Variants in LIPJ observed in about 807,000 individuals in gnomAD.
LIPJ encodes the protein lipase family member J, also known as lipase member J.
In LIPJ, 33 loss-of-function variants were observed where a neutral mutation model predicts 39.8. The ratio of observed to expected loss-of-function variants is 0.83; its 90% CI spans 0.63 to 1.11. The LOEUF is 1.11. Ranked by LOEUF, LIPJ falls within the 50% of genes least tolerant of loss-of-function variation. The pLI, the probability that LIPJ is intolerant of heterozygous loss-of-function variation, is 0.00. For synonymous variants in LIPJ, 128 were observed against 139.2 expected, an observed-to-expected ratio of 0.92 and a Z score of 0.57; for missense variants, 422 against 427.9, an observed-to-expected ratio of 0.99 and a Z score of 0.12.
chr10:88,609,110 C>T (rs979508080), downstream of LIPJ, among the ~76,000 whole-genome samples: 14 of 152,148 alleles, frequency 9.2e-5, no homozygotes, highest in African/African-American at 3.1e-4. Flanking sequence ...TCATTCTTTC[C>T]GTTCTTTGTG....
the LIPJ span, among the ~76,000 whole-genome samples, chr10:88,616,015 C>G: frequency 6.6e-6 from 1 of 152,090 alleles, no homozygotes; most frequent in Non-Finnish European, 1.5e-5. Context: ...AATCGGAGAC[C>G]AGCTTGGGCA....
the LIPJ span, among the ~76,000 whole-genome samples, chr10:88,613,798 A>ATGTG: frequency 2.7e-3 from 138 of 52,036 alleles, 3 homozygotes; most frequent in African/African-American, 6.5e-3. Context: ...ATATATATAT[A>ATGTG]TATGTGTGTG....
intron 9 of LIPJ, among the ~76,000 whole-genome samples, chr10:88,604,164 C>G (rs1488348140): frequency 6.6e-6 from 1 of 152,070 alleles, no homozygotes; most frequent in African/African-American, 2.4e-5. Flanking sequence ...ATTAGGCATG[C>G]TGGGAAGTGG....
intron 8 of LIPJ, among the ~76,000 whole-genome samples, chr10:88,599,011 A>C (rs1851369511): frequency 6.8e-6 from 1 of 146,916 alleles, no homozygotes. Flanking sequence ...ATATTATAAT[A>C]ATATATTATA....
the LIPJ span, among the ~76,000 whole-genome samples, chr10:88,617,153 G>A: frequency 2.1e-4 from 32 of 152,150 alleles, no homozygotes; most frequent in Admixed American, 1.7e-3. Flanking sequence ...ACATGCTCTC[G>A]GGACAAGACA....
downstream of LIPJ, among the ~76,000 whole-genome samples, chr10:88,611,654 A>C (rs1056194298): frequency 6.6e-6 from 1 of 152,218 alleles, no homozygotes; most frequent in African/African-American, 2.4e-5. Context: ...TCGAACAGGC[A>C]GAAGAAAGAA....
chr10:88,602,770 T>C (rs1851538698), intron 9 of LIPJ, 123 bp downstream of exon 9: 2 of 484,320 alleles, frequency 4.1e-6, no homozygotes, highest in Non-Finnish European at 6.8e-6. Context: ...ATGAAATTAT[T>C]ATATATTTCT....
Position 88,594,702 on chromosome 10 carries a change from CTA to C in LIPJ, c.367_368del (p.Ile123Ter). ...ATGGCAAAATATGACCTTCCAGCCT[CTA>C]TTGATTTCACTGTGAAGCAAACCAG... On this transcript the variant is annotated frameshift_variant, in exon 6 of 11. Transcript: ENST00000371939. LOFTEE classifies it high-confidence loss of function. 6.4e-7 allele frequency: 1 copy of C among 1,563,554 alleles called. No homozygotes were observed. The highest frequency in any genetic ancestry group is 1.2e-5 in the South Asian group (1 of 80,468).
the LIPJ span, among the ~76,000 whole-genome samples, chr10:88,616,048 C>T: frequency 6.6e-6 from 1 of 152,040 alleles, no homozygotes; most frequent in Non-Finnish European, 1.5e-5. Context: ...CCCATCTCTA[C>T]AAAAAAGAAA....
chr10:88,595,425 A>T (rs1235169744), intron 6 of LIPJ, among the ~76,000 whole-genome samples: 1 of 151,752 alleles, frequency 6.6e-6, no homozygotes, highest in Non-Finnish European at 1.5e-5. Flanking sequence ...TCTAAGCTGA[A>T]GACTATAATT....
chr10:88,583,476 C>G, upstream of LIPJ: 1 of 1,299,756 alleles, frequency 7.7e-7, no homozygotes, highest in South Asian at 1.7e-5. Context: ...CCAGAAAAGC[C>G]TGGAAATGGT....
At chr10:88,619,620 G>GT in the LIPJ span, among the ~76,000 whole-genome samples, 2,954 of 150,910 alleles carry the variant, frequency 0.02, 71 homozygotes, top group South Asian at 0.084. Context: ...TTTTTATTGG[G>GT]TTTTTTTTTC....
chr10:88,614,333 T>C, the LIPJ span, among the ~76,000 whole-genome samples: 1 of 152,108 alleles, frequency 6.6e-6, no homozygotes, highest in Non-Finnish European at 1.5e-5. Context: ...TAGCCATGAA[T>C]TGATGACTGC....
chr10:88,621,960 G>A, the LIPJ span, among the ~76,000 whole-genome samples: 3 of 152,090 alleles, frequency 2.0e-5, no homozygotes, highest in African/African-American at 4.8e-5. Flanking sequence ...AGAGAGAGTC[G>A]GGGATGCATC....
intron 8 of LIPJ, among the ~76,000 whole-genome samples, chr10:88,599,621 T>C (rs891302958): frequency 2.0e-5 from 3 of 151,764 alleles, no homozygotes; most frequent in African/African-American, 7.3e-5. Context: ...TTTCTATGGT[T>C]GATTAATATT....
In LIPJ at chr10:88,596,261, ATATCT is replaced by A. The variant is rs144785976; in HGVS notation, c.440-15_440-11del. 2.0e-3 allele frequency: 2,615 copies of A among 1,309,676 alleles called. 44 individuals are homozygous for A. In the African/African-American group the frequency reaches 0.035, roughly 18 times the overall value. The allele number at this position is 1,309,676 out of a possible 1,614,324, so 81.1% of individuals were successfully genotyped here. A position where few individuals can be genotyped will look rare whatever the true frequency, so the allele number is the denominator to read the frequency against. On this transcript the variant is annotated splice_polypyrimidine_tract_variant and intron_variant, in intron 6 of 10. Transcript: ENST00000371939. ...TTGCTTAAGAATAGCTTACTAATTTATATCTTATTTTATTTTAGGTTTCATAACAT... is the reference window on the plus strand; with the variant it reads ...TTGCTTAAGAATAGCTTACTAATTTATATTTTATTTTAGGTTTCATAACAT...
chr10:88,620,050 A>T, the LIPJ span, among the ~76,000 whole-genome samples: 1 of 152,210 alleles, frequency 6.6e-6, no homozygotes, highest in Non-Finnish European at 1.5e-5. Context: ...ACAACTAATT[A>T]AAAATGAGAC....
At chr10:88,583,031 G>C, upstream of LIPJ, 1 of 1,595,294 alleles carries the variant, frequency 6.3e-7, no homozygotes, top group Non-Finnish European at 8.6e-7. Flanking sequence ...CAGCCTGCCC[G>C]GCAGTCCTCT....
At chr10:88,589,787 A>T (rs1453625666) in intron 2 of LIPJ, among the ~76,000 whole-genome samples, 1 of 151,856 alleles carries the variant, frequency 6.6e-6, no homozygotes, top group African/African-American at 2.4e-5. Context: ...ATCATATTAC[A>T]TTGATCAGAT....
Sources: gnomAD v4.1 joint callset for allele counts (sites outside exome capture counted in the v4.1 genomes callset) on GRCh38, gnomAD v4.1.1 for gene constraint, MANE v1.5 for transcripts, NCBI Gene and HGNC (gene_info 2026-07-23, HGNC 2026-07-21) for gene names.